LASP1: variants seen among roughly 807,000 people sequenced by gnomAD.
The protein encoded by LASP1 is LIM and SH3 protein 1.
In LASP1, 10 loss-of-function variants were observed where a neutral mutation model predicts 38.6. The ratio of observed to expected loss-of-function variants is 0.26; its 90% CI spans 0.16 to 0.44. The LOEUF is 0.44. Among genes scored for constraint, LASP1 ranks in the 20% least tolerant of loss-of-function variants. The pLI is 1.00. For missense variants in LASP1, 243 were observed against 375.7 expected (o/e 0.65, Z 2.92); for synonymous variants, 132 against 140.8 (o/e 0.94, Z 0.44).
chr17:38,875,641 A>G (rs1359223093), intron 1 of LASP1, among the ~76,000 whole-genome samples: 1 of 152,098 alleles, frequency 6.6e-6, no homozygotes, highest in Non-Finnish European at 1.5e-5. Context: ...TCTTCTTGAT[A>G]GGGAACCAGT....
At chr17:38,908,755 T>C (rs226228) in intron 4 of LASP1, among the ~76,000 whole-genome samples, 113,994 of 152,254 alleles carry the variant, frequency 0.75, 43,123 homozygotes, top group Middle Eastern at 0.81. Context: ...GCAGGAACTA[T>C]TGGCTGTTCA....
At chr17:38,892,551 GAC>G (rs530593526) in intron 3 of LASP1, among the ~76,000 whole-genome samples, 50,850 of 143,572 alleles carry the variant, frequency 0.35, 9,377 homozygotes, top group East Asian at 0.58. Context: ...GGTCTTTGGA[GAC>G]ACACACACAC....
chr17:38,878,067 C>G lies in LASP1; in HGVS notation c.70-19C>G, dbSNP rs761073637. On this transcript the variant is annotated intron_variant, in intron 1 of 6. Transcript: ENST00000318008. ...GAAGTCCTGGTATCTGATGTATGTCCTCCTGTCTCCATCCCCAGTTCTGGC... is the reference window on the plus strand; with the variant it reads ...GAAGTCCTGGTATCTGATGTATGTCGTCCTGTCTCCATCCCCAGTTCTGGC... The G allele has an allele frequency of 1.3e-6, 2 of 1,590,580 alleles. No individual in the cohort carries two copies. The highest frequency in any genetic ancestry group is 1.7e-6 in the Non-Finnish European group (2 of 1,158,658).
At chr17:38,886,129 ACTCT>A (rs34096382) in intron 2 of LASP1, among the ~76,000 whole-genome samples, 90 of 121,354 alleles carry the variant, frequency 7.4e-4, no homozygotes, top group South Asian at 1.9e-3. Flanking sequence ...TCTCACTCTC[ACTCT>A]CTCTCTCTCT....
intron 1 of LASP1, 117 bp downstream of exon 1, chr17:38,870,375 G>A (rs1253510200): frequency 3.4e-6 from 4 of 1,178,854 alleles, no homozygotes; most frequent in Non-Finnish European, 3.6e-6. Context: ...AGAATGGAGG[G>A]AGGGCGAGCG....
intron 1 of LASP1, among the ~76,000 whole-genome samples, chr17:38,872,874 C>T (rs1598101728): frequency 6.6e-6 from 1 of 152,136 alleles, no homozygotes; most frequent in East Asian, 1.9e-4. Context: ...GCCACCCTGC[C>T]CCCAACCTGC....
intron 4 of LASP1, 116 bp from the exon 5 acceptor site, chr17:38,914,209 C>T: frequency 7.9e-7 from 1 of 1,268,302 alleles, no homozygotes; most frequent in South Asian, 1.4e-5. Context: ...CGAGACCTGG[C>T]TTTCTGTACC....
intron 3 of LASP1, among the ~76,000 whole-genome samples, chr17:38,893,001 G>A (rs1463327987): frequency 6.6e-6 from 1 of 151,706 alleles, no homozygotes; most frequent in Non-Finnish European, 1.5e-5. Context: ...GCGTGTATGT[G>A]TGTGTGTGTG....
intron 2 of LASP1, among the ~76,000 whole-genome samples, chr17:38,882,604 T>G (rs1237709148): frequency 1.3e-5 from 2 of 152,162 alleles, no homozygotes; most frequent in African/African-American, 2.4e-5. Flanking sequence ...GTGAGAGAGA[T>G]ATTTAAGAGA....
At chr17:38,893,438 G>C (rs1914398540) in intron 3 of LASP1, among the ~76,000 whole-genome samples, 1 of 152,212 alleles carries the variant, frequency 6.6e-6, no homozygotes, top group African/African-American at 2.4e-5. Flanking sequence ...GGGTCCATGG[G>C]CAGGAGTGTA....
chr17:38,921,114 G>C lies in LASP1; in HGVS notation c.*2336G>C, dbSNP rs1286478580. 4 of 230,082 alleles carry C rather than the reference G, an allele frequency of 1.7e-5. No individual in the cohort carries two copies. Among genetic ancestry groups the C allele is most frequent in the Non-Finnish European group, 3.4e-5 (4 of 116,130 alleles). The allele number at this position is 230,082 out of a possible 1,614,324, so 14.3% of individuals were successfully genotyped here. On this transcript the variant is annotated 3_prime_UTR_variant, in exon 7 of 7. Transcript: ENST00000318008. ...GGAGGGACTGTCACACTGGTGCTGA[G>C]TGACCGGGGGCTGCTGGGCGTCTGT...
chr17:38,908,896 C>T (rs896287249), intron 4 of LASP1, among the ~76,000 whole-genome samples: 5 of 152,210 alleles, frequency 3.3e-5, no homozygotes, highest in South Asian at 4.1e-4. Flanking sequence ...AGACGTTGTG[C>T]GGAGGGGATG....
intron 4 of LASP1, among the ~76,000 whole-genome samples, chr17:38,906,834 G>T (rs989888467): frequency 1.3e-5 from 2 of 152,106 alleles, no homozygotes; most frequent in African/African-American, 4.8e-5. Context: ...AGTCGGGAGG[G>T]TCCTTAGGCC....
intron 3 of LASP1, among the ~76,000 whole-genome samples, chr17:38,891,358 C>G (rs757027000): frequency 2.0e-5 from 3 of 152,142 alleles, no homozygotes; most frequent in Non-Finnish European, 2.9e-5. Flanking sequence ...CCCAGTTCCT[C>G]CAGAGGGGAC....
At chr17:38,895,056 G>A (rs537432790) in intron 3 of LASP1, among the ~76,000 whole-genome samples, 1 of 151,968 alleles carries the variant, frequency 6.6e-6, no homozygotes, top group East Asian at 1.9e-4. Flanking sequence ...AAAAACTAGT[G>A]TTTCTTTTTT....
intron 2 of LASP1, among the ~76,000 whole-genome samples, chr17:38,880,835 G>T (rs546478644): frequency 3.3e-5 from 5 of 151,726 alleles, no homozygotes; most frequent in Non-Finnish European, 7.4e-5. Flanking sequence ...GCCTGGCATA[G>T]TGGCTCACGC....
At chr17:38,870,815 G>A (rs1913584131) in intron 1 of LASP1, among the ~76,000 whole-genome samples, 1 of 152,174 alleles carries the variant, frequency 6.6e-6, no homozygotes, top group African/African-American at 2.4e-5. Flanking sequence ...TTTGGGTAAG[G>A]ACCCGGGCTC....
Position 38,898,529 on chromosome 17 carries a change from T to A in LASP1, c.357+10T>A. The A allele has an allele frequency of 6.5e-7, 1 of 1,531,570 alleles. No individual in the cohort carries two copies. The highest frequency in any genetic ancestry group is 8.9e-7 in the Non-Finnish European group (1 of 1,128,590). 94.9% of individuals were successfully genotyped at this position (1,531,570 alleles called of 1,614,324 possible). On this transcript the variant is annotated intron_variant, in intron 4 of 6. Transcript: ENST00000318008. The stretch of plus-strand genomic sequence containing the variant: ...GGACCAGATCAGTAACGTGAGCTCT[T>A]GCCCTGCCCTGCGGCATCCCTGCTG...
At chr17:38,896,938 C>T in intron 3 of LASP1, 2 of 985,374 alleles carry the variant, frequency 2.0e-6, no homozygotes, top group Non-Finnish European at 2.4e-6. Context: ...AGATGCAGGG[C>T]TTCTGTATCT....
Sources: allele counts gnomAD v4.1 joint callset (sites outside exome capture counted in the v4.1 genomes callset), GRCh38; gene constraint gnomAD v4.1.1; transcripts MANE v1.5; gene names NCBI Gene and HGNC (gene_info 2026-07-23, HGNC 2026-07-21).